FRYL: variants seen among roughly 807,000 people sequenced by gnomAD.
FRYL encodes the protein FRY like transcription coactivator, also known as protein furry homolog-like.
Under a neutral mutation model 351.2 loss-of-function variants are expected in FRYL, and 150 were observed. That is an observed-to-expected ratio of 0.43 (90% confidence interval 0.37 to 0.49). FRYL has a LOEUF of 0.49. Ranked by LOEUF, FRYL falls within the 20% of genes least tolerant of loss-of-function variation. The pLI, the probability that FRYL is intolerant of heterozygous loss-of-function variation, is 0.00. For missense variants in FRYL, 3,036 were observed against 3,619.3 expected, an observed-to-expected ratio of 0.84 and a Z score of 4.13; for synonymous variants, 1,153 against 1,257.1, an observed-to-expected ratio of 0.92 and a Z score of 1.75.
intron 1 of FRYL, among the ~76,000 whole-genome samples, chr4:48,756,619 T>TA (rs1773804840): frequency 1.3e-5 from 2 of 152,162 alleles, no homozygotes; most frequent in South Asian, 4.1e-4. Flanking sequence ...CTCAAATACT[T>TA]ACAGTAATTT....
At chr4:48,586,206 A>T (rs569925117) in intron 19 of FRYL, among the ~76,000 whole-genome samples, 1 of 152,050 alleles carries the variant, frequency 6.6e-6, no homozygotes, top group South Asian at 2.1e-4. Flanking sequence ...CATAGGGGGA[A>T]AAAAAAGCAC....
intron 1 of FRYL, among the ~76,000 whole-genome samples, chr4:48,735,971 TAAAAAAAAAAAAAAAA>T (rs71191254): frequency 9.9e-6 from 1 of 100,734 alleles, no homozygotes; most frequent in Non-Finnish European, 2.0e-5. Flanking sequence ...TAGAGTATAA[TAAAAAAAAAAAAAAAA>T]AAAAAAAAGA....
intron 1 of FRYL, among the ~76,000 whole-genome samples, chr4:48,752,696 T>C (rs1456473805): frequency 6.6e-6 from 1 of 152,188 alleles, no homozygotes; most frequent in Non-Finnish European, 1.5e-5. Flanking sequence ...AGCAACATGA[T>C]AAAATGTTTA....
Position 48,499,552 on chromosome 4 carries a change from T to A in FRYL, c.8912A>T (p.Asp2971Val). 6.2e-7 allele frequency: 1 copy of A among 1,614,122 alleles called. No homozygotes were observed. The highest frequency in any genetic ancestry group is 2.2e-5 in the East Asian group (1 of 44,878). ...GSFAVIGSNLDMSEANYKLME... is the reference protein window; with the variant it reads ...GSFAVIGSNLVMSEANYKLME... Reference sequence around the variant, plus strand: ...CAGTTTGTAGTTGGCTTCTGACATGTCCAGGTTAGAGCCTATAACTGCAAA... The same window carrying A: ...CAGTTTGTAGTTGGCTTCTGACATGACCAGGTTAGAGCCTATAACTGCAAA... The change falls in exon 64 of 64, where the codon GAC becomes GTC. Residue 2971 changes from aspartate (D) to valine (V), a missense_variant. Transcript: ENST00000358350.
chr4:48,656,148 A>T (rs1370010358), intron 3 of FRYL, among the ~76,000 whole-genome samples: 3 of 135,582 alleles, frequency 2.2e-5, no homozygotes, highest in Non-Finnish European at 4.6e-5. Flanking sequence ...ATACATTATA[A>T]AACGTATATA....
intron 13 of FRYL, chr4:48,598,773 G>A: frequency 1.3e-6 from 1 of 796,770 alleles, no homozygotes; most frequent in Middle Eastern, 6.5e-4. Flanking sequence ...AAAAACAAAT[G>A]CCACGCTTAA....
Position 48,581,624 on chromosome 4 carries a change from A to C in FRYL, c.1987-19T>G. 6.4e-7 allele frequency: 1 copy of C among 1,568,010 alleles called. No individual in the cohort carries two copies. The highest frequency in any genetic ancestry group is 8.6e-7 in the Non-Finnish European group (1 of 1,160,530). On this transcript the variant is annotated intron_variant, in intron 20 of 63. Coordinates refer to ENST00000358350, the MANE Select transcript of FRYL (RefSeq NM_015030.2). ...CACCATGCTTGAAAAACAGAAGTTA[A>C]AAACAAAATATAAAAATATATGCAC...
At chr4:48,561,991 G>C (rs1735623915) in intron 32 of FRYL, among the ~76,000 whole-genome samples, 1 of 152,158 alleles carries the variant, frequency 6.6e-6, no homozygotes, top group Admixed American at 6.5e-5. Flanking sequence ...ACTCTAGCCT[G>C]GGTGACAGAG....
intron 3 of FRYL, among the ~76,000 whole-genome samples, chr4:48,643,344 A>G (rs1755704860): frequency 6.6e-6 from 1 of 152,176 alleles, no homozygotes; most frequent in Non-Finnish European, 1.5e-5. Flanking sequence ...TACTATCTTA[A>G]CAGGCTGTTA....
intron 3 of FRYL, among the ~76,000 whole-genome samples, chr4:48,680,079 A>AT (rs1249768227): frequency 6.6e-6 from 1 of 152,010 alleles, no homozygotes; most frequent in East Asian, 1.9e-4. Flanking sequence ...AATAAGTCTC[A>AT]TTTTTTCAAA....
At chr4:48,546,005 T>C in intron 42 of FRYL, 62 bp downstream of exon 42, 1 of 1,445,622 alleles carries the variant, frequency 6.9e-7, no homozygotes, top group African/African-American at 1.4e-5. Flanking sequence ...TCATAATACC[T>C]GATCAATGAA....
chr4:48,669,472 A>T (rs116797772), intron 3 of FRYL, among the ~76,000 whole-genome samples: 2,670 of 152,006 alleles, frequency 0.018, 70 homozygotes, highest in African/African-American at 0.061. Flanking sequence ...TATTTTAACA[A>T]CCAGTGTCAC....
chr4:48,584,359 C>T (rs1356233164), intron 19 of FRYL, among the ~76,000 whole-genome samples: 13 of 152,296 alleles, frequency 8.5e-5, no homozygotes, highest in Admixed American at 3.9e-4. Flanking sequence ...TAAGTATTCA[C>T]CCTGCTGAAC....
intron 3 of FRYL, among the ~76,000 whole-genome samples, chr4:48,646,694 C>T (rs1225401043): frequency 1.3e-5 from 2 of 152,090 alleles, no homozygotes; most frequent in African/African-American, 2.4e-5. Context: ...CAGGCTATGC[C>T]TACAATAGGC....
chr4:48,512,631 T>C lies in FRYL; in HGVS notation c.7995A>G (p.Ser2665=), dbSNP rs760291493. Reference sequence around the variant, plus strand: ...CGGCTATGATGGCAGAAAGAAATGGTGACGGCAGAGGCGACGTCTGTACTT... The same window carrying C: ...CGGCTATGATGGCAGAAAGAAATGGCGACGGCAGAGGCGACGTCTGTACTT... ...FPEVQTSPLP[S]PFLSAIIAAF... Residue 2665 remains serine, a synonymous_variant, in exon 57 of 64, where the codon TCA becomes TCG. Transcript: ENST00000358350. The C allele has an allele frequency of 6.2e-7, 1 of 1,614,090 alleles. No individual in the cohort carries two copies. The highest frequency in any genetic ancestry group is 1.1e-5 in the South Asian group (1 of 91,086).
intron 3 of FRYL, among the ~76,000 whole-genome samples, chr4:48,657,572 C>A (rs1012386929): frequency 3.7e-4 from 56 of 152,046 alleles, no homozygotes; most frequent in Admixed American, 3.9e-4. Context: ...CGATTGTATT[C>A]TTTTTATAAA....
intron 1 of FRYL, among the ~76,000 whole-genome samples, chr4:48,718,329 G>A (rs1415176429): frequency 6.6e-6 from 1 of 151,396 alleles, no homozygotes; most frequent in African/African-American, 2.4e-5. Context: ...AAATGTCTTG[G>A]CTATACATCA....
intron 22 of FRYL, 67 bp from the exon 23 acceptor site, chr4:48,579,308 G>A (rs1740352728): frequency 7.6e-7 from 1 of 1,322,290 alleles, no homozygotes. Flanking sequence ...CATATAAATT[G>A]CTTTAAACTG....
chr4:48,605,823 T>C lies in FRYL; in HGVS notation c.752A>G (p.Gln251Arg), dbSNP rs369171615. ...ASFQFMQECA[Q>R]YFLEVKDKDI... ...TTTATCTTTCACTTCTAAGAAATAC[T>C]GAGCACATTCCTTAAAGGGAAAGAG... Residue 251 changes from glutamine to arginine, a missense_variant, in exon 11 of 64, where the codon CAG becomes CGG. Physicochemically the swap from Gln to Arg is conservative, Grantham distance 43. Coordinates refer to ENST00000358350, the MANE Select transcript of FRYL (RefSeq NM_015030.2). 17 of 1,586,332 alleles carry C rather than the reference T, an allele frequency of 1.1e-5. No individual in the cohort carries two copies. The highest frequency in any genetic ancestry group is 1.0e-4 in the Admixed American group (6 of 59,186).
Sources: allele counts gnomAD v4.1 joint callset (sites outside exome capture counted in the v4.1 genomes callset), GRCh38; gene constraint gnomAD v4.1.1; transcripts MANE v1.5; gene names NCBI Gene and HGNC (gene_info 2026-07-23, HGNC 2026-07-21).